Variants in TLE1 observed in about 807,000 individuals in gnomAD.
TLE1 encodes the protein transducin-like enhancer protein 1.
TLE1 carries 21 observed loss-of-function variants against 89.8 expected under a neutral mutation model. The ratio of observed to expected loss-of-function variants is 0.23; its 90% CI spans 0.17 to 0.34. TLE1 has a LOEUF of 0.34. Ranked by LOEUF, TLE1 falls within the 10% of genes least tolerant of loss-of-function variation. The probability of loss-of-function intolerance (pLI) is 1.00; values close to 1 mark genes in which losing one functional copy is unlikely to be tolerated. For missense variants in TLE1, 795 were observed against 1,031.2 expected, an observed-to-expected ratio of 0.77 and a Z score of 3.14; for synonymous variants, 447 against 407.6, an observed-to-expected ratio of 1.10 and a Z score of -1.16.
At chr9:81,585,375 A>G in intron 18 of TLE1, 130 bp downstream of exon 18, 1 of 1,206,242 alleles carries the variant, frequency 8.3e-7, no homozygotes. Context: ...GCATATTAAA[A>G]CAATAGAATT....
intron 6 of TLE1, among the ~76,000 whole-genome samples, chr9:81,640,566 A>T (rs976925185): frequency 3.9e-5 from 6 of 152,176 alleles, no homozygotes; most frequent in Admixed American, 3.9e-4. Flanking sequence ...ATAGGCTGAG[A>T]GTGAGACAAA....
rs1564104252 is a variant in TLE1, at chr9:81,587,916, G to GTGTGTGTGTGTGTCATCCCGCC, written c.1830-89_1830-88insGGCGGGATGACACACACACACA. The GTGTGTGTGTGTGTCATCCCGCC allele has an allele frequency of 9.3e-5, 82 of 881,464 alleles. 1 individual carries two copies. The highest frequency in any genetic ancestry group is 5.0e-4 in the Middle Eastern group (2 of 4,040). 54.6% of individuals were successfully genotyped at this position (881,464 alleles called of 1,614,324 possible). ...GTTGTTAGTTTTGGACCGTGTGTGT[G>GTGTGTGTGTGTGTCATCCCGCC]TGTGTGTGTGTGTGTGTGTGTGTGT... On this transcript the variant is annotated intron_variant, in intron 16 of 19. Transcript: ENST00000376499.
intron 4 of TLE1, among the ~76,000 whole-genome samples, chr9:81,680,025 T>C (rs1488656164): frequency 6.6e-6 from 1 of 152,212 alleles, no homozygotes; most frequent in Admixed American, 6.5e-5. Context: ...TAATAAACAC[T>C]ATTTGGGAGA....
intron 6 of TLE1, among the ~76,000 whole-genome samples, chr9:81,646,255 C>G (rs1006941324): frequency 6.6e-6 from 1 of 152,190 alleles, no homozygotes; most frequent in African/African-American, 2.4e-5. Flanking sequence ...TTGTCAGGCG[C>G]CTAGTTGTGC....
intron 8 of TLE1, among the ~76,000 whole-genome samples, chr9:81,628,179 A>G (rs1588031182): frequency 6.6e-6 from 1 of 152,182 alleles, no homozygotes; most frequent in South Asian, 2.1e-4. Flanking sequence ...TGGCGGTGGG[A>G]GGAGGGCATT....
intron 8 of TLE1, among the ~76,000 whole-genome samples, chr9:81,625,911 TAAAAAAAAAAAAA>T (rs35467275): frequency 1.1e-5 from 1 of 87,846 alleles, no homozygotes; most frequent in Non-Finnish European, 2.0e-5. Context: ...CAGAAACTAC[TAAAAAAAAAAAAA>T]AAAAAAAAAG....
intron 12 of TLE1, 22 bp downstream of exon 12, chr9:81,613,355 A>G: frequency 6.2e-7 from 1 of 1,608,050 alleles, no homozygotes; most frequent in Non-Finnish European, 8.5e-7. Context: ...CAAACAAAGC[A>G]CAACAAGAGG....
At chr9:81,658,507 C>A (rs549742434) in intron 4 of TLE1, among the ~76,000 whole-genome samples, 2 of 152,266 alleles carry the variant, frequency 1.3e-5, no homozygotes, top group East Asian at 1.9e-4. Context: ...GGTCTCTAAA[C>A]CCTAATCTTA....
intron 14 of TLE1, among the ~76,000 whole-genome samples, chr9:81,602,036 C>T (rs537170472): frequency 2.6e-5 from 4 of 152,216 alleles, no homozygotes; most frequent in Non-Finnish European, 5.9e-5. Context: ...AGATGTTTCA[C>T]GGTGCAACTG....
intron 17 of TLE1, among the ~76,000 whole-genome samples, chr9:81,587,113 C>T (rs2796461): frequency 0.23 from 35,267 of 152,062 alleles, 4,444 homozygotes; most frequent in Middle Eastern, 0.34. Context: ...GCCATTTATA[C>T]ATTATTTCAA....
chr9:81,591,985 G>C (rs538786806), intron 15 of TLE1, among the ~76,000 whole-genome samples: 2 of 152,246 alleles, frequency 1.3e-5, no homozygotes, highest in Admixed American at 1.3e-4. Flanking sequence ...CACCACACCA[G>C]GGCAGGGCAG....
intron 6 of TLE1, 31 bp from the exon 7 acceptor site, chr9:81,634,332 G>C (rs1564002599): frequency 7.2e-7 from 1 of 1,393,050 alleles, no homozygotes; most frequent in Non-Finnish European, 9.5e-7. Flanking sequence ...AGAGAAAAAG[G>C]AGGAGGAGGA....
At position 81,616,081 on chromosome 9, in the gene TLE1, G is replaced by A. The variant is rs369913450; in HGVS notation, c.819C>T (p.Ile273=). Residue 273 remains isoleucine (I), a synonymous_variant, in exon 11 of 20, where the codon ATC becomes ATT. Coordinates refer to ENST00000376499, the MANE Select transcript of TLE1 (RefSeq NM_005077.5). ...CCTTCTTTAGCAGGCGATTTTTGTC[G>A]ATTCCATTTTCCCGGGGCGAGTGGG... The part of the protein sequence containing the change: ...SPAHSPRENG[I]DKNRLLKKDA... The A allele has an allele frequency of 1.1e-5, 17 of 1,613,964 alleles. No individual in the cohort carries two copies. Among genetic ancestry groups the A allele is most frequent in the Middle Eastern group, 1.6e-4 (1 of 6,082 alleles).
chr9:81,605,053 G>A (rs1455494497), intron 14 of TLE1, among the ~76,000 whole-genome samples: 2 of 152,140 alleles, frequency 1.3e-5, no homozygotes, highest in Admixed American at 1.3e-4. Flanking sequence ...GAGCATGCCT[G>A]GCATCGCACA....
chr9:81,687,468 G>A, intron 1 of TLE1, 34 bp from the exon 2 acceptor site: 2 of 1,539,962 alleles, frequency 1.3e-6, no homozygotes, highest in South Asian at 1.2e-5. Flanking sequence ...CCGAGGGACG[G>A]GAATGCGGGC....
intron 16 of TLE1, among the ~76,000 whole-genome samples, chr9:81,588,906 C>A (rs1829030306): frequency 6.6e-6 from 1 of 152,196 alleles, no homozygotes; most frequent in Admixed American, 6.5e-5. Context: ...AAACTTTTAA[C>A]CTGAGCTTGG....
intron 4 of TLE1, among the ~76,000 whole-genome samples, chr9:81,672,822 A>G (rs2132972664): frequency 6.6e-6 from 1 of 152,326 alleles, no homozygotes; most frequent in East Asian, 1.9e-4. Context: ...TTACTTTGAT[A>G]GAATGAACCA....
At chr9:81,687,542 G>A (rs1834464335) in intron 1 of TLE1, 108 bp from the exon 2 acceptor site, 3 of 821,738 alleles carry the variant, frequency 3.7e-6, no homozygotes, top group South Asian at 1.7e-5. Context: ...AAAGTTAGAA[G>A]TGGCTGAAAA....
intron 4 of TLE1, among the ~76,000 whole-genome samples, chr9:81,684,121 CA>C (rs1053573567): frequency 2.0e-4 from 30 of 147,822 alleles, no homozygotes; most frequent in East Asian, 9.8e-4. Context: ...ATCTGTTATC[CA>C]AAAAAAAGTG....
Sources: allele counts gnomAD v4.1 joint callset (sites outside exome capture counted in the v4.1 genomes callset), GRCh38; gene constraint gnomAD v4.1.1; transcripts MANE v1.5; gene names NCBI Gene and HGNC (gene_info 2026-07-23, HGNC 2026-07-21).